TRRAP: variants seen among roughly 807,000 people sequenced by gnomAD.
TRRAP encodes transformation/transcription domain-associated protein.
In TRRAP, 41 loss-of-function variants were observed where a neutral mutation model predicts 438.8. That is an observed-to-expected ratio of 0.09 (90% CI 0.07 to 0.12). The LOEUF is 0.12. TRRAP is among the 10% of genes least tolerant of loss of function. The probability of loss-of-function intolerance (pLI) is 1.00; values close to 1 mark genes in which losing one functional copy is unlikely to be tolerated. For synonymous variants in TRRAP, 1,994 were observed against 1,962.9 expected (o/e 1.02, Z -0.42); for missense variants, 3,122 against 5,055.1 (o/e 0.62, Z 11.60).
At chr7:98,999,717 AG>A in intron 67 of TRRAP, 1 of 747,290 alleles carries the variant, frequency 1.3e-6, no homozygotes, top group Non-Finnish European at 2.4e-6. Context: ...GCACAAGTGG[AG>A]GGAGAAAGCA....
At chr7:98,973,463 G>A (rs547422596) in intron 53 of TRRAP, among the ~76,000 whole-genome samples, 5 of 152,300 alleles carry the variant, frequency 3.3e-5, no homozygotes, top group African/African-American at 1.2e-4. Flanking sequence ...TGTGCGAGGG[G>A]TCAGGATATT....
chr7:98,958,604 A>G (rs549588497), intron 44 of TRRAP, among the ~76,000 whole-genome samples: 1 of 152,270 alleles, frequency 6.6e-6, no homozygotes, highest in African/African-American at 2.4e-5. Flanking sequence ...CTGGCCTGAT[A>G]GGATTTTTTT....
chr7:98,895,297 G>A (rs1401931493), intron 6 of TRRAP, among the ~76,000 whole-genome samples: 3 of 152,096 alleles, frequency 2.0e-5, no homozygotes, highest in African/African-American at 7.2e-5. Flanking sequence ...TATTTTAATG[G>A]TTATTATGGA....
intron 70 of TRRAP, 104 bp from the exon 71 acceptor site, chr7:99,010,948 T>TTG: frequency 8.5e-7 from 1 of 1,174,296 alleles, no homozygotes; most frequent in Admixed American, 2.2e-5. Flanking sequence ...TTTACAGAAT[T>TTG]TGCTCTTGGT....
intron 8 of TRRAP, among the ~76,000 whole-genome samples, chr7:98,899,033 A>G (rs1796353888): frequency 6.6e-6 from 1 of 152,138 alleles, no homozygotes; most frequent in Admixed American, 6.6e-5. Flanking sequence ...ACTAAAAAAC[A>G]CAAAAATTAG....
chr7:98,968,828 C>T (rs1381338822), intron 51 of TRRAP, among the ~76,000 whole-genome samples: 1 of 152,222 alleles, frequency 6.6e-6, no homozygotes, highest in African/African-American at 2.4e-5. Context: ...GGAATTTTGC[C>T]TATGGCCACA....
chr7:98,983,298 C>T lies in TRRAP; in HGVS notation c.8861C>T (p.Ala2954Val), dbSNP rs772879543. The change falls in exon 60 of 73, where the codon GCA becomes GTA. Residue 2954 changes from alanine (A) to valine (V), a missense_variant. Coordinates refer to ENST00000456197, the MANE Select transcript of TRRAP (RefSeq NM_001375524.1). The stretch of plus-strand genomic sequence containing the variant: ...CAAATCATCGAACTCCAGGAAGCTG[C>T]ACAAATCAACGCAGGCTTACAGCCA... ...AQQIIELQEA[A>V]QINAGLQPTN... The T allele has an allele frequency of 6.2e-7, 1 of 1,614,020 alleles. No homozygotes were observed. Among genetic ancestry groups the T allele is most frequent in the Admixed American group, 1.7e-5 (1 of 60,004 alleles).
rs1301300820 is a variant in TRRAP, at chr7:98,936,247, T to C, written c.4111+572T>C. On this transcript the variant is annotated intron_variant, in intron 28 of 72. Transcript: ENST00000456197. Reference sequence around the variant, plus strand: ...GCTTTGTTGATTTTTATGCTCTTAATAACATATTTCCAGAATCTTTCTTGA... The same window carrying C: ...GCTTTGTTGATTTTTATGCTCTTAACAACATATTTCCAGAATCTTTCTTGA... Among the ~76,000 whole-genome samples the C allele has an allele frequency of 3.3e-5, 5 of 152,358 alleles. No individual in the cohort carries two copies. In the East Asian group the frequency reaches 9.6e-4, roughly 29 times the overall value.
chr7:98,919,744 C>T (rs1416761625), intron 20 of TRRAP, among the ~76,000 whole-genome samples: 1 of 152,204 alleles, frequency 6.6e-6, no homozygotes, highest in Admixed American at 6.5e-5. Context: ...GGTGCATGAG[C>T]AGCTTGTGGG....
At position 98,976,876 on chromosome 7, in the gene TRRAP, A is replaced by AT. The variant is rs1554424922; in HGVS notation, c.8248-58dup. ...TTTCAAATGACAGCACAGTGAAACTATTTTTAGGGGGGAAAAAAAGTCTCT... is the reference window on the plus strand; with the variant it reads ...TTTCAAATGACAGCACAGTGAAACTATTTTTTAGGGGGGAAAAAAAGTCTCT... On this transcript the variant is annotated intron_variant, in intron 55 of 72. Transcript: ENST00000456197. This position sits in a 1 kb window ranked among gnomAD's most constrained non-coding sequence, Gnocchi z 4.6. 6.2e-7 allele frequency: 1 copy of AT among 1,606,340 alleles called. No individual in the cohort carries two copies. The highest frequency in any genetic ancestry group is 8.5e-7 in the Non-Finnish European group (1 of 1,175,638).
Position 98,949,700 on chromosome 7 carries a change from C to G in TRRAP, c.4994C>G (p.Ala1665Gly). Residue 1665 changes from alanine to glycine, a missense_variant, in exon 37 of 73, where the codon GCC (alanine) becomes GGC (glycine). Physicochemically the swap from Ala to Gly is moderately conservative, Grantham distance 60. Around this residue, in one of 24 missense-constraint regions of TRRAP, gnomAD observed 272 missense variants for 348.5 expected, o/e 0.78. Transcript: ENST00000456197. ...GTGAAAAACGATGACTCCTGGCTGG[C>G]CAGCCAGCACTCTCTGGTGAGCCAG... ...IIVKNDDSWL[A>G]SQHSLVSQLR... 1 of 1,613,988 alleles carries G rather than the reference C, an allele frequency of 6.2e-7. No individual in the cohort carries two copies. Among genetic ancestry groups the G allele is most frequent in the Non-Finnish European group, 8.5e-7 (1 of 1,179,980 alleles).
intron 7 of TRRAP, 53 bp from the exon 8 acceptor site, chr7:98,897,688 A>G (rs1796279935): frequency 1.1e-5 from 13 of 1,220,130 alleles, no homozygotes; most frequent in African/African-American, 1.6e-5. Context: ...TTTGTTTTTG[A>G]ATGAATATTG....
chr7:98,900,892 T>C (rs1796440873), intron 11 of TRRAP, among the ~76,000 whole-genome samples, 172 bp downstream of exon 11: 1 of 152,202 alleles, frequency 6.6e-6, no homozygotes, highest in Non-Finnish European at 1.5e-5. Context: ...ATATATTTGT[T>C]GTCAGTTTCT....
chr7:98,984,394 G>T, intron 61 of TRRAP, 36 bp downstream of exon 61: 1 of 1,498,716 alleles, frequency 6.7e-7, no homozygotes, highest in Non-Finnish European at 8.9e-7. Context: ...AGGCCAGGTG[G>T]AGATTGAGGC....
chr7:98,898,338 C>T (rs1205854943), intron 8 of TRRAP, among the ~76,000 whole-genome samples: 1 of 152,180 alleles, frequency 6.6e-6, no homozygotes, highest in African/African-American at 2.4e-5. Context: ...TCTGAAAAAC[C>T]TGTCTCACGG....
chr7:99,011,638 G>A lies in TRRAP; in HGVS notation c.11337+103G>A, dbSNP rs113023081. 2.2e-4 allele frequency: 290 copies of A among 1,337,668 alleles called. No homozygotes were observed. The highest frequency in any genetic ancestry group is 3.5e-4 in the African/African-American group (24 of 68,266). 82.9% of individuals were successfully genotyped at this position (1,337,668 alleles called of 1,614,324 possible). A position where few individuals can be genotyped will look rare whatever the true frequency, so the allele number is the denominator to read the frequency against. ...TGCTGATGTGCCTCACGGGCTCTGC[G>A]CTCTCCACAGTGGCCAGCACCCCTG... On this transcript the variant is annotated intron_variant, in intron 72 of 72. Transcript: ENST00000456197. This position sits in a 1 kb window ranked among gnomAD's most constrained non-coding sequence, Gnocchi z 7.1.
At chr7:98,925,695 A>C (rs573352728) in intron 22 of TRRAP, among the ~76,000 whole-genome samples, 1 of 152,246 alleles carries the variant, frequency 6.6e-6, no homozygotes, top group Non-Finnish European at 1.5e-5. Context: ...GAGACTGTGC[A>C]TGACCTTAAT....
At chr7:99,009,516 C>T (rs1389052498) in intron 70 of TRRAP, among the ~76,000 whole-genome samples, 1 of 152,216 alleles carries the variant, frequency 6.6e-6, no homozygotes, top group South Asian at 2.1e-4. Flanking sequence ...TCTGATCAGC[C>T]TCTGTTGACA....
chr7:98,949,601 C>T lies in TRRAP; in HGVS notation c.4953+20C>T. Reference sequence around the variant, plus strand: ...ATCAAGGTAGCGCCCCTTCCTCCAGCCCCCAATGCCCAGGGGTTTAATCGA... The same window carrying T: ...ATCAAGGTAGCGCCCCTTCCTCCAGTCCCCAATGCCCAGGGGTTTAATCGA... On this transcript the variant is annotated intron_variant, in intron 36 of 72. Transcript: ENST00000456197. 6.3e-7 allele frequency: 1 copy of T among 1,584,252 alleles called. No individual in the cohort carries two copies. The highest frequency in any genetic ancestry group is 1.8e-5 in the Admixed American group (1 of 55,858).
Sources: allele counts gnomAD v4.1 joint callset (sites outside exome capture counted in the v4.1 genomes callset), GRCh38; gene constraint gnomAD v4.1.1; regional missense constraint gnomAD v4.1.1; non-coding constraint Gnocchi (gnomAD v3.1); transcripts MANE v1.5; gene names NCBI Gene and HGNC (gene_info 2026-07-23, HGNC 2026-07-21).